CCDC102A: variants seen among roughly 807,000 people sequenced by gnomAD.
CCDC102A encodes the protein coiled-coil domain-containing protein 102A.
In CCDC102A, 40 loss-of-function variants were observed where a neutral mutation model predicts 55.5. The ratio of observed to expected loss-of-function variants is 0.72; its 90% CI spans 0.56 to 0.94. CCDC102A has a LOEUF of 0.94. CCDC102A is among the 40% of genes least tolerant of loss of function. The pLI is 0.00. For synonymous variants in CCDC102A, 323 were observed against 339.0 expected, an observed-to-expected ratio of 0.95 and a Z score of 0.52; for missense variants, 779 against 768.6, an observed-to-expected ratio of 1.01 and a Z score of -0.16.
intron 2 of CCDC102A, among the ~76,000 whole-genome samples, chr16:57,527,345 C>A (rs1329190956): frequency 1.3e-5 from 2 of 152,052 alleles, no homozygotes; most frequent in Non-Finnish European, 2.9e-5. Context: ...TGATTATTAC[C>A]CTGGACTCTG....
In CCDC102A at chr16:57,529,224, G is replaced by C; in HGVS notation, c.-47C>G. 1 of 1,147,018 alleles carries C rather than the reference G, an allele frequency of 8.7e-7. No homozygotes were observed. Among genetic ancestry groups the C allele is most frequent in the Non-Finnish European group, 1.1e-6 (1 of 932,288 alleles). The allele number at this position is 1,147,018 out of a possible 1,614,324, so 71.1% of individuals were successfully genotyped here. Reference sequence around the variant, plus strand: ...AGCTCGAACTCGCGGTCGGGCTCAGGGGCGGCTCCGGGGACGCGCGGCGGG... The same window carrying C: ...AGCTCGAACTCGCGGTCGGGCTCAGCGGCGGCTCCGGGGACGCGCGGCGGG... On this transcript the variant is annotated 5_prime_UTR_variant, in exon 2 of 9. Coordinates refer to ENST00000258214, the MANE Select transcript of CCDC102A (RefSeq NM_033212.4). This position sits in a 1 kb window ranked among gnomAD's most constrained non-coding sequence, Gnocchi z 4.1.
At position 57,516,111 on chromosome 16, in the gene CCDC102A, C is replaced by T. The variant is rs945096258; in HGVS notation, c.1419+182G>A. On this transcript the variant is annotated intron_variant, in intron 7 of 8. Coordinates refer to ENST00000258214, the MANE Select transcript of CCDC102A (RefSeq NM_033212.4). This position sits in a 1 kb window ranked among gnomAD's most constrained non-coding sequence, Gnocchi z 4.4. ...GTTCATTTTTCTTCCCATCTTCCCA[C>T]CCACATGTCCATCCTGCCATCCATT... 3.3e-5 allele frequency among the ~76,000 whole-genome samples: 5 copies of T among 152,358 alleles called. No homozygotes were observed. Among genetic ancestry groups the T allele is most frequent in the Admixed American group, 6.5e-5 (1 of 15,308 alleles).
intron 2 of CCDC102A, among the ~76,000 whole-genome samples, chr16:57,527,248 C>A (rs1233140178): frequency 6.6e-6 from 1 of 152,156 alleles, no homozygotes; most frequent in Non-Finnish European, 1.5e-5. Flanking sequence ...TGAGCTTGGA[C>A]CCTGCCCCTA....
rs778992550 is a variant in CCDC102A, at chr16:57,528,619, C to G, written c.559G>C (p.Gly187Arg). 7.8e-7 allele frequency: 1 copy of G among 1,280,914 alleles called. No homozygotes were observed. The highest frequency in any genetic ancestry group is 9.9e-7 in the Non-Finnish European group (1 of 1,006,280). The allele number at this position is 1,280,914 out of a possible 1,614,324, so 79.3% of individuals were successfully genotyped here. ...TGGCTGCCTGGCGGCCTCTCGGACC[C>G]GACGTCACGCACTGGCTCGCGCTCC... ...EAEREPVRDV[G>R]SERPPGSQEL... The change falls in exon 2 of 9, where the codon GGG (glycine) becomes CGG (arginine). Residue 187 changes from glycine to arginine, a missense_variant. By Grantham distance (125) the Gly-to-Arg change is moderately radical. Coordinates refer to ENST00000258214, the MANE Select transcript of CCDC102A (RefSeq NM_033212.4).
At chr16:57,531,580 G>A (rs2032264097) in intron 1 of CCDC102A, among the ~76,000 whole-genome samples, 1 of 152,016 alleles carries the variant, frequency 6.6e-6, no homozygotes, top group African/African-American at 2.4e-5. Flanking sequence ...CACTCTGATG[G>A]CCCCTCCCTG....
chr16:57,530,814 A>T (rs1192969255), intron 1 of CCDC102A, among the ~76,000 whole-genome samples: 1 of 151,154 alleles, frequency 6.6e-6, no homozygotes, highest in Admixed American at 6.6e-5. Flanking sequence ...GGTCCTTCCA[A>T]AGTGGTCCAC....
chr16:57,535,344 T>G (rs1406952900), intron 1 of CCDC102A, among the ~76,000 whole-genome samples: 1 of 152,032 alleles, frequency 6.6e-6, no homozygotes, highest in Non-Finnish European at 1.5e-5. Flanking sequence ...CATCTTAGAC[T>G]GAGGAGCCAC....
At chr16:57,519,695 A>G (rs2032013934) in intron 4 of CCDC102A, among the ~76,000 whole-genome samples, 1 of 152,234 alleles carries the variant, frequency 6.6e-6, no homozygotes, top group Admixed American at 6.5e-5. Flanking sequence ...TTTTCTTCGA[A>G]TGATTATACT....
In CCDC102A at chr16:57,528,602, T is replaced by C. The variant is rs1270012384; in HGVS notation, c.576A>G (p.Pro192=). 4.7e-6 allele frequency: 6 copies of C among 1,266,162 alleles called. No individual in the cohort carries two copies. The African/African-American group carries it at 4.8e-5, about 10-fold the overall frequency. The allele number at this position is 1,266,162 out of a possible 1,614,324, so 78.4% of individuals were successfully genotyped here. A position where few individuals can be genotyped will look rare whatever the true frequency, so the allele number is the denominator to read the frequency against. The change falls in exon 2 of 9, where the codon CCA becomes CCG. Residue 192 remains proline (P), a synonymous_variant. Transcript: ENST00000258214. The part of the protein sequence containing the change: ...PVRDVGSERP[P]GSQELELVES... ...CGCCCGCGCCGCGCACCTGGCTGCC[T>C]GGCGGCCTCTCGGACCCGACGTCAC...
chr16:57,529,363 G>T lies in CCDC102A; in HGVS notation c.-147-39C>A. The T allele has an allele frequency of 1.3e-6, 1 of 765,160 alleles. No homozygotes were observed. Among genetic ancestry groups the T allele is most frequent in the Non-Finnish European group, 1.7e-6 (1 of 598,968 alleles). 47.4% of individuals were successfully genotyped at this position (765,160 alleles called of 1,614,324 possible). On this transcript the variant is annotated intron_variant, in intron 1 of 8. Transcript: ENST00000258214. The surrounding 1 kb of genome is among the most constrained non-coding windows in gnomAD (Gnocchi z 4.1). ...CAACCGTTATTGGACTGCGACCACCGTCAGTCTCGAAGATCAGCCGCGCCA... is the reference window on the plus strand; with the variant it reads ...CAACCGTTATTGGACTGCGACCACCTTCAGTCTCGAAGATCAGCCGCGCCA...
chr16:57,527,444 A>T (rs181352821), intron 2 of CCDC102A, among the ~76,000 whole-genome samples: 2 of 127,858 alleles, frequency 1.6e-5, no homozygotes, highest in East Asian at 2.3e-4. Context: ...TTTGAGATGG[A>T]GATTCACTCT....
Position 57,512,691 on chromosome 16 carries a change from G to A in CCDC102A, c.*50C>T. ...ATCAGTTTGAGTGGCTGGTTAGCCTGGACCCTGGGCAGGTATGGGGCGGCC... is the reference window on the plus strand; with the variant it reads ...ATCAGTTTGAGTGGCTGGTTAGCCTAGACCCTGGGCAGGTATGGGGCGGCC... On this transcript the variant is annotated 3_prime_UTR_variant, in exon 9 of 9. Coordinates refer to ENST00000258214, the MANE Select transcript of CCDC102A (RefSeq NM_033212.4). 2 of 1,578,074 alleles carry A rather than the reference G, an allele frequency of 1.3e-6. No individual in the cohort carries two copies. Among genetic ancestry groups the A allele is most frequent in the South Asian group, 1.2e-5 (1 of 85,956 alleles).
chr16:57,523,346 G>A (rs1598074415), intron 3 of CCDC102A, among the ~76,000 whole-genome samples: 1 of 152,206 alleles, frequency 6.6e-6, no homozygotes, highest in South Asian at 2.1e-4. Flanking sequence ...GAAAGAATCC[G>A]TTCCATGCCT....
chr16:57,518,659 C>T lies in CCDC102A; in HGVS notation c.1004G>A (p.Ser335Asn). The change falls in exon 5 of 9, where the codon AGC (serine) becomes AAC (asparagine). Residue 335 changes from serine (S) to asparagine (N), a missense_variant. Coordinates refer to ENST00000258214, the MANE Select transcript of CCDC102A (RefSeq NM_033212.4). Reference protein sequence around the residue: ...DLEDELGARSSMDRKMAELRG... With the variant: ...DLEDELGARSNMDRKMAELRG... ...CAGCTCGGCCATTTTCCGGTCCATG[C>T]TGGAGCGTGCACCGAGCTCATCTTC... 1.9e-6 allele frequency: 3 copies of T among 1,613,862 alleles called. No individual in the cohort carries two copies. Among genetic ancestry groups the T allele is most frequent in the Non-Finnish European group, 2.5e-6 (3 of 1,179,962 alleles).
chr16:57,536,313 G>T (rs2032387020), intron 1 of CCDC102A, among the ~76,000 whole-genome samples, 187 bp downstream of exon 1: 1 of 152,124 alleles, frequency 6.6e-6, no homozygotes, highest in African/African-American at 2.4e-5. Flanking sequence ...GGGGGCTGAG[G>T]GAGGCCGGGG....
In CCDC102A at chr16:57,516,445, G is replaced by A. The variant is rs767728824; in HGVS notation, c.1267C>T (p.His423Tyr). The change falls in exon 7 of 9, where the codon CAT (histidine) becomes TAT (tyrosine). Residue 423 changes from histidine (H) to tyrosine (Y), a missense_variant. Transcript: ENST00000258214. The surrounding 1 kb of genome is among the most constrained non-coding windows in gnomAD (Gnocchi z 4.4). ...TGCTTCTTCAGCTTGCCATGCACAT[G>A]CTTCAGGTCTGCCAGCTCCTACAGG... The part of the protein sequence containing the change: ...EKNKELADLK[H>Y]VHGKLKKQFQ... 1 of 1,608,046 alleles carries A rather than the reference G, an allele frequency of 6.2e-7. No homozygotes were observed. The highest frequency in any genetic ancestry group is 2.2e-5 in the East Asian group (1 of 44,884).
chr16:57,518,725 T>A lies in CCDC102A; in HGVS notation c.938A>T (p.Glu313Val), dbSNP rs1456173965. The A allele has an allele frequency of 6.2e-7, 1 of 1,606,004 alleles. No individual in the cohort carries two copies. Among genetic ancestry groups the A allele is most frequent in the African/African-American group, 1.3e-5 (1 of 74,746 alleles). ...GCGGCCCAGCTCGTCCTGGTGCGCC[T>A]CCTTCAGGATGCTGAGCTGCAGGGA... The part of the protein sequence containing the change: ...EMLKQLSILK[E>V]AHQDELGRMS... Residue 313 changes from glutamate to valine, a missense_variant, in exon 5 of 9, where the codon GAG becomes GTG. Glu to Val is a moderately radical substitution (Grantham distance 121, BLOSUM62 -2). Coordinates refer to ENST00000258214, the MANE Select transcript of CCDC102A (RefSeq NM_033212.4).
In CCDC102A at chr16:57,516,518, C is replaced by T. The variant is rs1274111283; in HGVS notation, c.1249-55G>A. ...AGGAGGGAATCAGTATCAGCTTGGG[C>T]GCCATGCCAGGGAGTCCCACGAGGT... On this transcript the variant is annotated intron_variant, in intron 6 of 8. Coordinates refer to ENST00000258214, the MANE Select transcript of CCDC102A (RefSeq NM_033212.4). The surrounding 1 kb of genome is among the most constrained non-coding windows in gnomAD (Gnocchi z 4.4). 50 of 1,528,880 alleles carry T rather than the reference C, an allele frequency of 3.3e-5. No homozygotes were observed. Among genetic ancestry groups the T allele is most frequent in the East Asian group, 4.5e-5 (2 of 44,042 alleles). 94.7% of individuals were successfully genotyped at this position (1,528,880 alleles called of 1,614,324 possible).
rs746599169 is a variant in CCDC102A at position 57,529,002 on chromosome 16, G to A, written c.176C>T (p.Pro59Leu). 34 of 1,136,776 alleles carry A rather than the reference G, an allele frequency of 3.0e-5. No individual in the cohort carries two copies. In the African/African-American group the frequency reaches 5.6e-4, roughly 19 times the overall value. The allele number at this position is 1,136,776 out of a possible 1,614,324, so 70.4% of individuals were successfully genotyped here. ...PGPPPALPLP[P>L]APALLADGDW... ...GCCGTCGGCCAGCAGCGCGGGCGCGGGGGGCAGGGGCAGTGCGGGCGGCGG... is the reference window on the plus strand; with the variant it reads ...GCCGTCGGCCAGCAGCGCGGGCGCGAGGGGCAGGGGCAGTGCGGGCGGCGG... Residue 59 changes from proline (P) to leucine (L), a missense_variant, in exon 2 of 9, where the codon CCC becomes CTC. By Grantham distance (98) the Pro-to-Leu change is moderately conservative. Transcript: ENST00000258214. This position sits in a 1 kb window ranked among gnomAD's most constrained non-coding sequence, Gnocchi z 4.1.
Sources: allele counts gnomAD v4.1 joint callset (sites outside exome capture counted in the v4.1 genomes callset), GRCh38; gene constraint gnomAD v4.1.1; non-coding constraint Gnocchi (gnomAD v3.1); transcripts MANE v1.5; gene names NCBI Gene and HGNC (gene_info 2026-07-23, HGNC 2026-07-21).